The following NFIB variants were observed in gnomAD, a reference collection of about 807,000 sequenced individuals.
NFIB encodes nuclear factor 1 B-type.
In NFIB, 11 loss-of-function variants were observed where a neutral mutation model predicts 61.5. The ratio of observed to expected loss-of-function variants is 0.18; its 90% CI spans 0.11 to 0.30. The LOEUF is 0.30. NFIB is among the 10% of genes least tolerant of loss of function. NFIB has a pLI of 1.00. For missense variants in NFIB, 471 were observed against 608.9 expected, an observed-to-expected ratio of 0.77 and a Z score of 2.38; for synonymous variants, 260 against 216.5, an observed-to-expected ratio of 1.20 and a Z score of -1.76.
the NFIB span, among the ~76,000 whole-genome samples, chr9:14,413,253 G>A: frequency 2.0e-5 from 3 of 152,150 alleles, no homozygotes; most frequent in African/African-American, 4.8e-5. Context: ...CTTAAAAAAT[G>A]CACCATTTTG....
intron 3 of NFIB, 58 bp downstream of exon 3, chr9:14,179,669 G>A: frequency 1.3e-6 from 2 of 1,584,702 alleles, no homozygotes; most frequent in Non-Finnish European, 1.7e-6. Flanking sequence ...TATCTATACA[G>A]TGGTACCTTT....
chr9:14,457,433 T>C, the NFIB span, among the ~76,000 whole-genome samples: 133 of 152,186 alleles, frequency 8.7e-4, 1 homozygote, highest in Admixed American at 8.0e-3. Flanking sequence ...ATTGACACCC[T>C]AACATCACAA....
the NFIB span, among the ~76,000 whole-genome samples, chr9:14,524,786 A>G: frequency 0.19 from 28,857 of 152,122 alleles, 3,212 homozygotes; most frequent in East Asian, 0.42. Flanking sequence ...GTGAGAATTT[A>G]CCATTATATC....
chr9:14,301,001 T>C (rs762716368), intron 2 of NFIB, among the ~76,000 whole-genome samples: 4 of 152,344 alleles, frequency 2.6e-5, no homozygotes, highest in Admixed American at 6.5e-5. Flanking sequence ...TGACAGCTTC[T>C]TCCTAAATTC....
intron 2 of NFIB, chr9:14,305,725 G>A (rs1428614745): frequency 8.7e-6 from 2 of 230,208 alleles, no homozygotes; most frequent in African/African-American, 4.5e-5. Flanking sequence ...TGAGGGCCTA[G>A]AATTCAGAGT....
chr9:14,390,778 G>A (rs1239074260), intron 1 of NFIB, among the ~76,000 whole-genome samples: 1 of 152,140 alleles, frequency 6.6e-6, no homozygotes, highest in Non-Finnish European at 1.5e-5. Flanking sequence ...CCAAGAAGTG[G>A]GCCCCCACCA....
intron 1 of NFIB, among the ~76,000 whole-genome samples, chr9:14,367,099 A>G (rs1405525421): frequency 2.0e-5 from 3 of 152,192 alleles, no homozygotes; most frequent in Non-Finnish European, 4.4e-5. Context: ...ATTGGATTCA[A>G]TTCTACTCAG....
chr9:14,232,954 T>A (rs2053362885), intron 2 of NFIB, among the ~76,000 whole-genome samples: 1 of 152,210 alleles, frequency 6.6e-6, no homozygotes. Context: ...TCTAGCAAAC[T>A]GGCATGCTCA....
the NFIB span, among the ~76,000 whole-genome samples, chr9:14,488,946 C>T: frequency 6.6e-6 from 1 of 152,184 alleles, no homozygotes; most frequent in African/African-American, 2.4e-5. Context: ...TAGCAATCAG[C>T]ATAACATACA....
At chr9:14,433,236 C>A in the NFIB span, among the ~76,000 whole-genome samples, 4 of 152,270 alleles carry the variant, frequency 2.6e-5, no homozygotes, top group East Asian at 7.7e-4. Flanking sequence ...TAACCACTTA[C>A]AATACAAACC....
chr9:14,168,990 T>C (rs1000645270), intron 3 of NFIB, among the ~76,000 whole-genome samples: 5 of 152,248 alleles, frequency 3.3e-5, no homozygotes, highest in Admixed American at 1.3e-4. Context: ...AATAGCAGAA[T>C]ACTTTATCAT....
chr9:14,232,987 G>C (rs143943261), intron 2 of NFIB, among the ~76,000 whole-genome samples: 76 of 152,286 alleles, frequency 5.0e-4, no homozygotes, highest in African/African-American at 1.8e-3. Context: ...AAGAGGGCGG[G>C]TCTGCCTCTG....
chr9:14,220,609 G>C (rs1452981419), intron 2 of NFIB, among the ~76,000 whole-genome samples: 3 of 152,026 alleles, frequency 2.0e-5, no homozygotes, highest in Admixed American at 6.6e-5. Context: ...GTGGATCACA[G>C]CCCATAGCTC....
chr9:14,144,022 G>GTA (rs1335727296), intron 6 of NFIB, among the ~76,000 whole-genome samples: 1 of 150,950 alleles, frequency 6.6e-6, no homozygotes, highest in East Asian at 1.9e-4. Context: ...GTGTGTGTGT[G>GTA]TGTGTGTGTG....
intron 2 of NFIB, among the ~76,000 whole-genome samples, chr9:14,304,823 C>T (rs533722428): frequency 6.6e-6 from 1 of 152,164 alleles, no homozygotes; most frequent in Non-Finnish European, 1.5e-5. Flanking sequence ...ATCAATTGCA[C>T]TATAAAATGA....
At chr9:14,508,207 G>A in the NFIB span, among the ~76,000 whole-genome samples, 76 of 151,864 alleles carry the variant, frequency 5.0e-4, no homozygotes, top group Non-Finnish European at 8.7e-4. Context: ...ATACATATAT[G>A]TGTAAATATG....
chr9:14,407,169 A>G, the NFIB span, among the ~76,000 whole-genome samples: 1 of 152,172 alleles, frequency 6.6e-6, no homozygotes, highest in East Asian at 1.9e-4. Context: ...TCCTCGACAC[A>G]GTCATTGTAA....
intron 2 of NFIB, among the ~76,000 whole-genome samples, chr9:14,205,531 G>A (rs960966128): frequency 1.3e-5 from 2 of 151,822 alleles, no homozygotes; most frequent in African/African-American, 4.8e-5. Flanking sequence ...GCCAAATACT[G>A]CATAATGAGG....
At chr9:14,453,013 C>T in the NFIB span, among the ~76,000 whole-genome samples, 4 of 152,302 alleles carry the variant, frequency 2.6e-5, no homozygotes, top group African/African-American at 9.6e-5. Context: ...TGCTTTGTAA[C>T]GTGGTGCCTC....
Sources: gnomAD v4.1 joint callset for allele counts (sites outside exome capture counted in the v4.1 genomes callset) on GRCh38, gnomAD v4.1.1 for gene constraint, MANE v1.5 for transcripts, NCBI Gene and HGNC (gene_info 2026-07-23, HGNC 2026-07-21) for gene names.